Variants in ANK1 observed in about 807,000 individuals in gnomAD.
ANK1 encodes ankyrin 1.
A neutral mutation model predicts 210.4 loss-of-function variants in ANK1; 51 were observed. The observed-to-expected ratio is 0.24, with a 90% CI of 0.19 to 0.31. The LOEUF is 0.31. Ranked by LOEUF, ANK1 falls within the 10% of genes least tolerant of loss-of-function variation. The probability of loss-of-function intolerance (pLI) is 1.00; values close to 1 mark genes in which losing one functional copy is unlikely to be tolerated. For synonymous variants in ANK1, 967 were observed against 1,025.9 expected (o/e 0.94, Z 1.10); for missense variants, 2,051 against 2,504.4 (o/e 0.82, Z 3.86).
chr8:41,689,472 T>C (rs1818667846), intron 33 of ANK1, among the ~76,000 whole-genome samples: 1 of 152,106 alleles, frequency 6.6e-6, no homozygotes, highest in Non-Finnish European at 1.5e-5. Flanking sequence ...CCTCATCTCA[T>C]GCCCAAAAAG....
intron 37 of ANK1, among the ~76,000 whole-genome samples, chr8:41,683,060 G>A (rs940944785): frequency 6.8e-6 from 1 of 147,688 alleles, no homozygotes; most frequent in Non-Finnish European, 1.5e-5. Flanking sequence ...GTATGCACAC[G>A]CACACACATG....
chr8:41,791,258 G>A lies in ANK1; in HGVS notation c.27+6254C>T, dbSNP rs377102085. ...TCACTCTCAGCTCACTGCAACCTCC[G>A]CCTCCTGGGTTCAAGTGATTCTCCT... is the stretch of plus-strand genomic sequence containing the variant. On this transcript the variant is annotated intron_variant, in intron 1 of 42. Transcript: ENST00000289734. 4.4e-5 allele frequency among the ~76,000 whole-genome samples: 5 copies of A among 112,378 alleles called. 1 individual carries two copies. The highest frequency in any genetic ancestry group is 3.0e-4 in the East Asian group (1 of 3,310). 73.7% of individuals were successfully genotyped at this position (112,378 alleles called of 152,430 possible).
At chr8:41,742,844 C>G (rs1369033049) in intron 2 of ANK1, among the ~76,000 whole-genome samples, 5 of 152,154 alleles carry the variant, frequency 3.3e-5, no homozygotes, top group Non-Finnish European at 7.4e-5. Flanking sequence ...TTTACCCATG[C>G]AGGCAGCAAA....
At chr8:41,782,276 C>G (rs961085646) in intron 1 of ANK1, among the ~76,000 whole-genome samples, 10 of 152,144 alleles carry the variant, frequency 6.6e-5, no homozygotes, top group Non-Finnish European at 5.9e-5. Flanking sequence ...AATGCATGGC[C>G]AAGAAGAAAA....
At chr8:41,684,418 G>A (rs1817058981) in intron 37 of ANK1, 126 bp downstream of exon 37, 1 of 1,434,550 alleles carries the variant, frequency 7.0e-7, no homozygotes, top group Non-Finnish European at 9.7e-7. Context: ...TGACAAACCA[G>A]ACCTCCCACC....
intron 1 of ANK1, among the ~76,000 whole-genome samples, chr8:41,868,333 TC>T (rs144067346): frequency 0.19 from 29,544 of 152,116 alleles, 4,214 homozygotes; most frequent in East Asian, 0.41. Flanking sequence ...GTTGCACCCT[TC>T]CTCCCAATTA....
rs183777182 is a variant in ANK1, at chr8:41,875,735, G to A, written c.126+20620C>T. Reference sequence around the variant, plus strand: ...AGAAGAACACGCTTTGCAGGGGGAGGACAAACTCCCACTTAACACCACTGC... The same window carrying A: ...AGAAGAACACGCTTTGCAGGGGGAGAACAAACTCCCACTTAACACCACTGC... On this transcript the variant is annotated intron_variant, in intron 1 of 42. Transcript: ENST00000265709. Among the ~76,000 whole-genome samples, 647 of 152,280 alleles carry A rather than the reference G, an allele frequency of 4.2e-3. 6 individuals carry two copies. Among genetic ancestry groups the A allele is most frequent in the African/African-American group, 0.014 (581 of 41,548 alleles).
chr8:41,826,674 T>TCA (rs1805443443), intron 1 of ANK1, among the ~76,000 whole-genome samples: 1 of 152,238 alleles, frequency 6.6e-6, no homozygotes. Context: ...CCATAATCTA[T>TCA]CACATCCTAA....
At chr8:41,709,020 A>G (rs369957404) in intron 16 of ANK1, 45 bp from the exon 17 acceptor site, 1 of 1,609,818 alleles carries the variant, frequency 6.2e-7, no homozygotes, top group Non-Finnish European at 8.5e-7. Flanking sequence ...AGGAATGCTG[A>G]GCTGACAATA....
At chr8:41,679,623 C>T (rs1220582332) in intron 37 of ANK1, among the ~76,000 whole-genome samples, 5 of 127,520 alleles carry the variant, frequency 3.9e-5, no homozygotes, top group East Asian at 2.5e-4. Context: ...AGTGCAGTGG[C>T]GCAATCTCGG....
At chr8:41,764,211 C>A (rs1379595042) in intron 1 of ANK1, among the ~76,000 whole-genome samples, 3 of 152,054 alleles carry the variant, frequency 2.0e-5, no homozygotes, top group African/African-American at 7.2e-5. Flanking sequence ...TCATTGAGAA[C>A]CTCCTAGGGG....
At chr8:41,876,246 G>A (rs1441552187) in intron 1 of ANK1, among the ~76,000 whole-genome samples, 1 of 151,844 alleles carries the variant, frequency 6.6e-6, no homozygotes, top group Non-Finnish European at 1.5e-5. Flanking sequence ...TCCAGCCGCG[G>A]CACCCTGGCA....
chr8:41,680,577 A>G (rs1586013295), intron 37 of ANK1, among the ~76,000 whole-genome samples: 1 of 151,968 alleles, frequency 6.6e-6, no homozygotes, highest in African/African-American at 2.4e-5. Context: ...AAAAAAAAAA[A>G]AAAAAAAGTA....
chr8:41,733,911 G>T, intron 3 of ANK1, 60 bp downstream of exon 3: 1 of 1,385,208 alleles, frequency 7.2e-7, no homozygotes, highest in African/African-American at 1.4e-5. Context: ...TGGTTTCTAA[G>T]GAAGGACTCA....
chr8:41,675,987 A>T (rs1176118707), intron 37 of ANK1, among the ~76,000 whole-genome samples: 3 of 152,206 alleles, frequency 2.0e-5, no homozygotes, highest in Non-Finnish European at 4.4e-5. Context: ...CTTTGGAAGG[A>T]TATATCACAG....
In ANK1 at chr8:41,846,737, G is replaced by C. The variant is rs376044772; in HGVS notation, c.126+49618C>G. The stretch of plus-strand genomic sequence containing the variant: ...GCTGCAGCAACCACCCCTGGCCACA[G>C]GCTGTTCTCACAGCTGGAGGATACC... On this transcript the variant is annotated intron_variant, in intron 1 of 42. Coordinates refer to the ANK1 transcript ENST00000265709. Among the ~76,000 whole-genome samples, 6 of 152,314 alleles carry C rather than the reference G, an allele frequency of 3.9e-5. 1 individual carries two copies. In the East Asian group the frequency reaches 1.2e-3, roughly 29 times the overall value.
At chr8:41,895,814 GCAGGAGCCCGACTCTCGTT>G (rs1262141673) in intron 1 of ANK1, among the ~76,000 whole-genome samples, 2 of 152,186 alleles carry the variant, frequency 1.3e-5, no homozygotes, top group Admixed American at 1.3e-4. Flanking sequence ...TCAAGGAAGG[GCAGGAGCCCGACTCTCGTT>G]CAGAGACACC....
intron 1 of ANK1, among the ~76,000 whole-genome samples, chr8:41,780,479 T>TG (rs1399600879): frequency 6.6e-6 from 1 of 152,222 alleles, no homozygotes; most frequent in African/African-American, 2.4e-5. Context: ...TCCTCTTCTC[T>TG]GGGGGGTGAG....
intron 1 of ANK1, among the ~76,000 whole-genome samples, chr8:41,870,351 A>G (rs1270282805): frequency 1.3e-5 from 2 of 152,070 alleles, no homozygotes. Context: ...AACAAGGCCG[A>G]GTCACCTTCT....
Sources: allele counts gnomAD v4.1 joint callset (sites outside exome capture counted in the v4.1 genomes callset), GRCh38; gene constraint gnomAD v4.1.1; transcripts MANE v1.5; gene names NCBI Gene and HGNC (gene_info 2026-07-23, HGNC 2026-07-21).